Variants in HEATR5A observed in about 807,000 individuals in gnomAD.
HEATR5A encodes HEAT repeat-containing protein 5A.
In HEATR5A, 178 loss-of-function variants were observed where a neutral mutation model predicts 218.8. The observed-to-expected ratio is 0.81, with a 90% CI of 0.72 to 0.92. HEATR5A has a LOEUF of 0.92. Among genes scored for constraint, HEATR5A ranks in the 40% least tolerant of loss-of-function variants. The probability of loss-of-function intolerance (pLI) is 0.00; values close to 1 mark genes in which losing one functional copy is unlikely to be tolerated. For synonymous variants in HEATR5A, 864 were observed against 871.6 expected, an observed-to-expected ratio of 0.99 and a Z score of 0.15; for missense variants, 2,420 against 2,418.9, an observed-to-expected ratio of 1.00 and a Z score of -0.01.
chr14:31,302,639 T>C (rs868458671), intron 32 of HEATR5A, 120 bp from the exon 33 acceptor site: 9 of 670,336 alleles, frequency 1.3e-5, no homozygotes, highest in Non-Finnish European at 1.8e-5. Context: ...TGATTTCTAA[T>C]AAAGAATTAT....
At chr14:31,407,596 A>T (rs1189711239) in intron 1 of HEATR5A, among the ~76,000 whole-genome samples, 2 of 484 alleles carry the variant, frequency 4.1e-3, no homozygotes, top group African/African-American at 9.5e-3. Context: ...ATATATATAT[A>T]TATATATATA....
intron 4 of HEATR5A, among the ~76,000 whole-genome samples, chr14:31,397,735 G>A (rs117650689): frequency 0.018 from 2,738 of 150,662 alleles, 40 homozygotes; most frequent in Non-Finnish European, 0.028. Flanking sequence ...CATAGCTCAC[G>A]ACAGCCTCGA....
At chr14:31,338,654 T>C (rs1900742233) in intron 21 of HEATR5A, among the ~76,000 whole-genome samples, 1 of 152,194 alleles carries the variant, frequency 6.6e-6, no homozygotes, top group African/African-American at 2.4e-5. Flanking sequence ...ATGTATATTA[T>C]GGTAGTGATC....
chr14:31,387,450 A>T (rs1454961284), intron 7 of HEATR5A, 75 bp from the exon 8 acceptor site: 6 of 1,048,716 alleles, frequency 5.7e-6, no homozygotes, highest in African/African-American at 3.3e-5. Context: ...AACATGTAGC[A>T]TTTATTAATA....
rs550754688 is a variant in HEATR5A, at chr14:31,410,666, A to T, written c.-74-7617T>A. Among the ~76,000 whole-genome samples the T allele has an allele frequency of 7.9e-5, 12 of 152,370 alleles. No individual in the cohort carries two copies. The South Asian group carries it at 2.5e-3, about 32-fold the overall frequency. The stretch of plus-strand genomic sequence containing the variant: ...TATTAGTTTTAGGGTAAAATGGATA[A>T]GAAGCAAGTCATTTATAATGTTAGA... On this transcript the variant is annotated intron_variant, in intron 1 of 35. Transcript: ENST00000543095.
Position 31,345,173 on chromosome 14 carries a change from T to A in HEATR5A, c.2972A>T (p.Asn991Ile), listed in dbSNP as rs766849672. The A allele has an allele frequency of 2.4e-5, 39 of 1,613,786 alleles. No homozygotes were observed. The African/African-American group carries it at 5.1e-4, about 21-fold the overall frequency. Residue 991 changes from asparagine to isoleucine, a missense_variant, in exon 20 of 36, where the codon AAT becomes ATT. By Grantham distance (149) the Asn-to-Ile change is moderately radical. Transcript: ENST00000543095. ...TLSLIIMLLL[N>I]VPPTHAEVHQ... ...AACTTCAGCATGAGTAGGAGGCACA[T>A]TTAACAACAACATTATAATAAGAGA...
chr14:31,326,530 T>C (rs1011664262), intron 22 of HEATR5A, among the ~76,000 whole-genome samples, 188 bp from the exon 23 acceptor site: 1 of 152,236 alleles, frequency 6.6e-6, no homozygotes, highest in Non-Finnish European at 1.5e-5. Context: ...TATGATCCTA[T>C]ATAGCAGTAT....
At position 31,326,271 on chromosome 14, in the gene HEATR5A, A is replaced by G; in HGVS notation, c.3439T>C (p.Leu1147=). The G allele has an allele frequency of 6.2e-7, 1 of 1,613,130 alleles. No homozygotes were observed. The highest frequency in any genetic ancestry group is 1.1e-5 in the South Asian group (1 of 91,078). ...AAAGTCTCTTTGATATCATGGCATA[A>G]TCTCTCATCTGTCTCCTTGTCTAGT... ...ILLDKETDER[L]CHDIKETLNY... is the part of the protein sequence containing the mutation. The change falls in exon 23 of 36, where the codon TTA becomes CTA. Residue 1147 remains leucine, a synonymous_variant. Coordinates refer to ENST00000543095, the MANE Select transcript of HEATR5A (RefSeq NM_015473.4).
chr14:31,309,270 C>G, intron 28 of HEATR5A, 88 bp from the exon 29 acceptor site: 1 of 1,451,060 alleles, frequency 6.9e-7, no homozygotes, highest in Non-Finnish European at 9.4e-7. Context: ...CCATTTCCAT[C>G]ACTCCGAAAG....
At chr14:31,336,579 T>C (rs1030743961) in intron 22 of HEATR5A, among the ~76,000 whole-genome samples, 22 of 130,132 alleles carry the variant, frequency 1.7e-4, no homozygotes, top group Admixed American at 9.3e-4. Context: ...TGAAGTGATA[T>C]ACACTTAAAT....
At chr14:31,302,559 C>G in intron 32 of HEATR5A, 40 bp from the exon 33 acceptor site, 1 of 1,316,936 alleles carries the variant, frequency 7.6e-7, no homozygotes, top group Non-Finnish European at 1.1e-6. Context: ...GGATTTCAAC[C>G]TATATATATG....
chr14:31,306,684 A>G, intron 31 of HEATR5A, 48 bp downstream of exon 31: 3 of 1,543,208 alleles, frequency 1.9e-6, no homozygotes, highest in Non-Finnish European at 2.6e-6. Flanking sequence ...ATACTTTACA[A>G]AAGAATGATG....
intron 33 of HEATR5A, among the ~76,000 whole-genome samples, chr14:31,301,782 C>G (rs1051876551): frequency 1.3e-5 from 2 of 149,914 alleles, no homozygotes; most frequent in Admixed American, 1.3e-4. Flanking sequence ...CGTGAGCCAC[C>G]GTGCCTGGCC....
intron 6 of HEATR5A, 25 bp from the exon 7 acceptor site, chr14:31,389,030 T>C: frequency 1.3e-6 from 2 of 1,564,984 alleles, no homozygotes; most frequent in Non-Finnish European, 1.7e-6. Context: ...AAAACTGTGA[T>C]TCATATTTTA....
intron 11 of HEATR5A, among the ~76,000 whole-genome samples, chr14:31,377,499 T>G (rs1478753329): frequency 6.6e-6 from 1 of 152,118 alleles, no homozygotes; most frequent in Non-Finnish European, 1.5e-5. Context: ...CTGGGTGCAG[T>G]GGCTCACTCC....
intron 13 of HEATR5A, among the ~76,000 whole-genome samples, chr14:31,366,431 A>T (rs1205612056): frequency 6.6e-6 from 1 of 152,240 alleles, no homozygotes; most frequent in Non-Finnish European, 1.5e-5. Context: ...TTAGGAAATT[A>T]TATTTCTAAA....
intron 13 of HEATR5A, among the ~76,000 whole-genome samples, chr14:31,371,374 T>C (rs1902030923): frequency 6.6e-6 from 1 of 152,226 alleles, no homozygotes; most frequent in Non-Finnish European, 1.5e-5. Context: ...TTCACATGTT[T>C]TATTAATTTG....
intron 1 of HEATR5A, among the ~76,000 whole-genome samples, chr14:31,414,337 T>C (rs1244764593): frequency 3.9e-5 from 6 of 152,208 alleles, no homozygotes; most frequent in Non-Finnish European, 8.8e-5. Flanking sequence ...CTCGTGGATT[T>C]TACTGACATA....
At chr14:31,299,069 T>C (rs1283173330) in intron 33 of HEATR5A, among the ~76,000 whole-genome samples, 2 of 152,162 alleles carry the variant, frequency 1.3e-5, no homozygotes, top group African/African-American at 4.8e-5. Flanking sequence ...GGTCCTCTTC[T>C]TGCTCCAGAA....
Sources: gnomAD v4.1 joint callset for allele counts (sites outside exome capture counted in the v4.1 genomes callset) on GRCh38, gnomAD v4.1.1 for gene constraint, MANE v1.5 for transcripts, NCBI Gene and HGNC (gene_info 2026-07-23, HGNC 2026-07-21) for gene names.